Variants in PRR16 observed in about 807,000 individuals in gnomAD.
The protein encoded by PRR16 is proline rich 16.
Under a neutral mutation model 18.2 loss-of-function variants are expected in PRR16, and 6 were observed. The observed-to-expected ratio is 0.33, with a 90% confidence interval of 0.18 to 0.65. The LOEUF is 0.65. Ranked by LOEUF, PRR16 falls within the 30% of genes least tolerant of loss-of-function variation. The pLI, the probability that PRR16 is intolerant of heterozygous loss-of-function variation, is 0.74. For synonymous variants in PRR16, 151 were observed against 147.8 expected (o/e 1.02, Z -0.16); for missense variants, 412 against 376.6 (o/e 1.09, Z -0.78).
chr5:120,522,060 C>T lies in PRR16; in HGVS notation c.159+57415C>T, dbSNP rs555580026. Among the ~76,000 whole-genome samples, 20 of 152,302 alleles carry T rather than the reference C, an allele frequency of 1.3e-4. No individual in the cohort carries two copies. In the East Asian group the frequency reaches 3.9e-3, roughly 29 times the overall value. The stretch of plus-strand genomic sequence containing the variant: ...TGTATATGTGCCACATTTTCTTAAT[C>T]CAGTCTATCATTGTCATACATTTGG... On this transcript the variant is annotated intron_variant, in intron 1 of 1. Coordinates refer to ENST00000407149, the MANE Select transcript of PRR16 (RefSeq NM_001300783.2).
At chr5:120,565,273 C>T (rs1042244837) in intron 1 of PRR16, among the ~76,000 whole-genome samples, 4 of 151,994 alleles carry the variant, frequency 2.6e-5, no homozygotes, top group Non-Finnish European at 4.4e-5. Context: ...CTGAACTTTT[C>T]AATTTCTTTA....
chr5:120,670,716 T>G (rs564769506), intron 1 of PRR16, among the ~76,000 whole-genome samples: 1 of 152,238 alleles, frequency 6.6e-6, no homozygotes, highest in East Asian at 1.9e-4. Flanking sequence ...CCATGTGCAT[T>G]CATGCTAAGC....
At chr5:120,506,031 G>T (rs1750635756) in intron 1 of PRR16, among the ~76,000 whole-genome samples, 1 of 150,474 alleles carries the variant, frequency 6.6e-6, no homozygotes, top group Non-Finnish European at 1.5e-5. Context: ...ATGTTCACTT[G>T]TAAGCCTGTA....
chr5:120,627,819 A>G (rs550682744), intron 1 of PRR16, among the ~76,000 whole-genome samples: 24 of 152,198 alleles, frequency 1.6e-4, no homozygotes, highest in African/African-American at 5.5e-4. Context: ...ATCTCAGTCC[A>G]TTTCTTATGG....
chr5:120,670,712 G>A (rs1204971762), intron 1 of PRR16, among the ~76,000 whole-genome samples: 1 of 152,076 alleles, frequency 6.6e-6, no homozygotes, highest in East Asian at 1.9e-4. Flanking sequence ...GTCCCCATGT[G>A]CATTCATGCT....
chr5:120,681,182 TTCA>T (rs1335041992), intron 1 of PRR16, among the ~76,000 whole-genome samples: 2 of 152,168 alleles, frequency 1.3e-5, no homozygotes, highest in Non-Finnish European at 2.9e-5. Flanking sequence ...TAGAGTGACT[TTCA>T]TTTACGATGC....
At chr5:120,514,264 G>A (rs1302003620) in intron 1 of PRR16, among the ~76,000 whole-genome samples, 1 of 152,244 alleles carries the variant, frequency 6.6e-6, no homozygotes, top group East Asian at 1.9e-4. Context: ...TAGCTTGCCT[G>A]GAAGTTCTCT....
At chr5:120,642,226 A>G (rs1755444520) in intron 1 of PRR16, among the ~76,000 whole-genome samples, 1 of 151,404 alleles carries the variant, frequency 6.6e-6, no homozygotes, top group Non-Finnish European at 1.5e-5. Flanking sequence ...CAAATCTGAT[A>G]CTGTAATTTC....
chr5:120,584,777 A>T (rs1159545748), intron 1 of PRR16, among the ~76,000 whole-genome samples: 1 of 152,068 alleles, frequency 6.6e-6, no homozygotes. Flanking sequence ...CTTATAAAAT[A>T]GTAGTCGTCT....
intron 1 of PRR16, among the ~76,000 whole-genome samples, chr5:120,505,288 A>G (rs1454011662): frequency 6.6e-6 from 1 of 152,200 alleles, no homozygotes; most frequent in Non-Finnish European, 1.5e-5. Flanking sequence ...TTTCTAATGC[A>G]TTTGGTTATT....
chr5:120,620,228 T>G (rs974119393), intron 1 of PRR16, among the ~76,000 whole-genome samples: 6 of 152,294 alleles, frequency 3.9e-5, no homozygotes, highest in African/African-American at 1.4e-4. Context: ...TAATCTTTAA[T>G]TTATTTATCA....
chr5:120,733,588 C>A, the PRR16 span, among the ~76,000 whole-genome samples: 4 of 152,122 alleles, frequency 2.6e-5, no homozygotes, highest in Admixed American at 2.0e-4. Context: ...CATTCAGTAG[C>A]TCAAGAAGTT....
At chr5:120,549,065 T>G (rs942262192) in intron 1 of PRR16, among the ~76,000 whole-genome samples, 1 of 151,980 alleles carries the variant, frequency 6.6e-6, no homozygotes, top group Admixed American at 6.6e-5. Flanking sequence ...TTGACCTGTT[T>G]TCCTCATACC....
chr5:120,562,812 TG>T (rs1241560038), intron 1 of PRR16, among the ~76,000 whole-genome samples: 3 of 152,200 alleles, frequency 2.0e-5, no homozygotes, highest in Non-Finnish European at 2.9e-5. Context: ...TTTTTAACTT[TG>T]TTTTTTTATG....
chr5:120,617,896 A>T (rs1040728236), intron 1 of PRR16, among the ~76,000 whole-genome samples: 1 of 152,112 alleles, frequency 6.6e-6, no homozygotes, highest in African/African-American at 2.4e-5. Context: ...GTCAAGGTCA[A>T]TAATTTTTTT....
chr5:120,489,223 T>A (rs368603726), intron 1 of PRR16, among the ~76,000 whole-genome samples: 3 of 152,054 alleles, frequency 2.0e-5, no homozygotes, highest in African/African-American at 7.2e-5. Context: ...CTTTCTGTCT[T>A]GTTGATCTGT....
At chr5:120,730,577 C>A in the PRR16 span, among the ~76,000 whole-genome samples, 1 of 152,132 alleles carries the variant, frequency 6.6e-6, no homozygotes, top group East Asian at 1.9e-4. Flanking sequence ...ATAACTGGCT[C>A]TTCAGAGACC....
intron 1 of PRR16, among the ~76,000 whole-genome samples, chr5:120,527,778 A>T (rs1524558): frequency 0.19 from 28,875 of 152,150 alleles, 3,593 homozygotes; most frequent in African/African-American, 0.35. Flanking sequence ...TCCCAGATAT[A>T]GTGGCTGTTT....
chr5:120,600,230 G>T (rs1000537139), intron 1 of PRR16, among the ~76,000 whole-genome samples: 8 of 151,794 alleles, frequency 5.3e-5, no homozygotes, highest in African/African-American at 1.9e-4. Flanking sequence ...GTTGTACTAA[G>T]AGATGCCATT....
Sources: gnomAD v4.1 joint callset for allele counts (sites outside exome capture counted in the v4.1 genomes callset) on GRCh38, gnomAD v4.1.1 for gene constraint, MANE v1.5 for transcripts, NCBI Gene and HGNC (gene_info 2026-07-23, HGNC 2026-07-21) for gene names.